Variants in PDE3A observed in about 807,000 individuals in gnomAD.
The protein encoded by PDE3A is phosphodiesterase 3A.
PDE3A carries 43 observed loss-of-function variants against 98.3 expected under a neutral mutation model. That is an observed-to-expected ratio of 0.44 (90% CI 0.34 to 0.56). The LOEUF (loss-of-function observed/expected upper bound fraction) is 0.56, where lower values mean the gene tolerates loss of function less well. Ranked by LOEUF, PDE3A falls within the 20% of genes least tolerant of loss-of-function variation. The pLI, the probability that PDE3A is intolerant of heterozygous loss-of-function variation, is 0.01. For synonymous variants in PDE3A, 663 were observed against 567.9 expected (o/e 1.17, Z -2.38); for missense variants, 1,427 against 1,440.7 (o/e 0.99, Z 0.15).
At chr12:20,626,806 C>A (rs1356404461) in intron 5 of PDE3A, among the ~76,000 whole-genome samples, 2 of 152,094 alleles carry the variant, frequency 1.3e-5, no homozygotes. Flanking sequence ...CCGAGTTATG[C>A]TTTTAAAAGT....
intron 2 of PDE3A, among the ~76,000 whole-genome samples, chr12:20,591,397 C>A (rs2121377330): frequency 6.6e-6 from 1 of 152,322 alleles, no homozygotes; most frequent in Non-Finnish European, 1.5e-5. Context: ...TCTGATCTGA[C>A]TTTAATAATA....
At chr12:20,667,999 C>T (rs532123205) in intron 15 of PDE3A, among the ~76,000 whole-genome samples, 4 of 152,052 alleles carry the variant, frequency 2.6e-5, no homozygotes, top group East Asian at 3.9e-4. Context: ...GCGCACCGTG[C>T]GCGAGCCAAA....
At chr12:20,597,304 A>AT (rs774839075) in intron 2 of PDE3A, among the ~76,000 whole-genome samples, 1 of 152,178 alleles carries the variant, frequency 6.6e-6, no homozygotes, top group Non-Finnish European at 1.5e-5. Flanking sequence ...TTCCCAACTC[A>AT]TTGCTGGGTG....
chr12:20,370,185 T>C lies in PDE3A; in HGVS notation c.901T>C (p.Ser301Pro). Residue 301 changes from serine to proline, a missense_variant, in exon 1 of 16, where the codon TCC (serine) becomes CCC (proline). Ser to Pro is a moderately conservative substitution (Grantham distance 74). Around this residue, in one of 3 missense-constraint regions of PDE3A, gnomAD observed 1,012 missense variants for 886.5 expected, o/e 1.14. Coordinates refer to ENST00000359062, the MANE Select transcript of PDE3A (RefSeq NM_000921.5). ...RSSSVVSAEM[S>P]GCSSKSHRRT... ...CAGCTCCGTCGTGTCCGCCGAGATG[T>C]CCGGCTGCAGCAGCAAGTCCCATCG... The C allele has an allele frequency of 6.2e-7, 1 of 1,610,610 alleles. No individual in the cohort carries two copies.
chr12:20,644,689 GAT>G (rs1944729858), intron 10 of PDE3A, among the ~76,000 whole-genome samples: 1 of 152,058 alleles, frequency 6.6e-6, no homozygotes. Context: ...TATACTCAGG[GAT>G]ATAGATGTCA....
chr12:20,537,366 T>C (rs1402409310), intron 1 of PDE3A, among the ~76,000 whole-genome samples: 3 of 152,132 alleles, frequency 2.0e-5, no homozygotes, highest in Non-Finnish European at 2.9e-5. Context: ...GTATTGTCTT[T>C]TCACTTTCTT....
At chr12:20,508,790 A>G (rs971585906) in intron 1 of PDE3A, among the ~76,000 whole-genome samples, 2 of 140,826 alleles carry the variant, frequency 1.4e-5, no homozygotes, top group African/African-American at 5.4e-5. Flanking sequence ...AATACTTGAA[A>G]TAATTAACCA....
At chr12:20,488,154 A>C (rs1945763900) in intron 1 of PDE3A, among the ~76,000 whole-genome samples, 1 of 152,064 alleles carries the variant, frequency 6.6e-6, no homozygotes, top group South Asian at 2.1e-4. Flanking sequence ...GCACTATATT[A>C]TCCTTTTTAC....
At chr12:20,424,950 C>G (rs915939767) in intron 1 of PDE3A, among the ~76,000 whole-genome samples, 1 of 152,192 alleles carries the variant, frequency 6.6e-6, no homozygotes, top group Non-Finnish European at 1.5e-5. Flanking sequence ...TTGGCATACT[C>G]AGGAAATTCT....
Position 20,633,985 on chromosome 12 carries a change from C to T in PDE3A, c.1846+207C>T, listed in dbSNP as rs935730651. Among the ~76,000 whole-genome samples, 3 of 152,030 alleles carry T rather than the reference C, an allele frequency of 2.0e-5. No individual in the cohort carries two copies. In the East Asian group the frequency reaches 5.8e-4, roughly 29 times the overall value. On this transcript the variant is annotated intron_variant, in intron 7 of 15. Transcript: ENST00000359062. Reference sequence around the variant, plus strand: ...GAAGTACTAGGATTACAGGCATGAGCCACTGTGCCCAGCCTGATTTTTTAA... The same window carrying T: ...GAAGTACTAGGATTACAGGCATGAGTCACTGTGCCCAGCCTGATTTTTTAA...
chr12:20,481,764 A>ATTTTTTTTTTTTTTTTTTTTTTTTTT (rs10657239), intron 1 of PDE3A, among the ~76,000 whole-genome samples: 4 of 79,594 alleles, frequency 5.0e-5, no homozygotes, highest in African/African-American at 1.6e-4. Context: ...TGGGAAATAG[A>ATTTTTTTTTTTTTTTTTTTTTTTTTT]TTTTTTTTTT....
chr12:20,517,567 T>G (rs1946346100), intron 1 of PDE3A, among the ~76,000 whole-genome samples: 1 of 152,208 alleles, frequency 6.6e-6, no homozygotes, highest in African/African-American at 2.4e-5. Flanking sequence ...TATGACAAAC[T>G]GAGTATTTGT....
intron 1 of PDE3A, among the ~76,000 whole-genome samples, chr12:20,418,415 T>C (rs985801153): frequency 2.6e-5 from 4 of 152,206 alleles, no homozygotes; most frequent in African/African-American, 9.7e-5. Context: ...CTGAATTATG[T>C]GCACCAGATT....
chr12:20,621,448 G>C, intron 5 of PDE3A, 37 bp downstream of exon 5: 1 of 1,084,050 alleles, frequency 9.2e-7, no homozygotes, highest in Non-Finnish European at 1.4e-6. Flanking sequence ...CATACTGTGA[G>C]TGTGGAGTTC....
intron 1 of PDE3A, among the ~76,000 whole-genome samples, chr12:20,509,586 T>A (rs888823380): frequency 6.6e-6 from 1 of 152,094 alleles, no homozygotes; most frequent in Non-Finnish European, 1.5e-5. Flanking sequence ...TAAAAGGGTA[T>A]TTTTGGCCCT....
intron 1 of PDE3A, among the ~76,000 whole-genome samples, chr12:20,421,602 A>G (rs940778384): frequency 3.3e-5 from 5 of 151,016 alleles, no homozygotes; most frequent in Non-Finnish European, 5.9e-5. Context: ...TGGTAATAAA[A>G]AAAAAAAAAA....
At chr12:20,572,609 A>G (rs567719325) in intron 2 of PDE3A, among the ~76,000 whole-genome samples, 1 of 152,134 alleles carries the variant, frequency 6.6e-6, no homozygotes, top group Non-Finnish European at 1.5e-5. Flanking sequence ...TTCCTCGTGG[A>G]TTAGTAGCAT....
chr12:20,436,901 A>T (rs748583441), intron 1 of PDE3A, among the ~76,000 whole-genome samples: 2 of 152,192 alleles, frequency 1.3e-5, no homozygotes, highest in African/African-American at 2.4e-5. Flanking sequence ...ATGATATTGA[A>T]CTAGCTTTCC....
chr12:20,529,635 A>C (rs1946588847), intron 1 of PDE3A, among the ~76,000 whole-genome samples: 1 of 152,110 alleles, frequency 6.6e-6, no homozygotes. Context: ...AAGGAACCCC[A>C]AGAATTGCCA....
Sources: gnomAD v4.1 joint callset for allele counts (sites outside exome capture counted in the v4.1 genomes callset) on GRCh38, gnomAD v4.1.1 for gene constraint, gnomAD v4.1.1 regional missense constraint, MANE v1.5 for transcripts, NCBI Gene and HGNC (gene_info 2026-07-23, HGNC 2026-07-21) for gene names.